The following DIAPH3 variants were observed in gnomAD, a reference collection of about 807,000 sequenced individuals.
The protein encoded by DIAPH3 is protein diaphanous homolog 3.
Under a neutral mutation model 144.3 loss-of-function variants are expected in DIAPH3, and 117 were observed. The observed-to-expected ratio is 0.81, with a 90% CI of 0.70 to 0.95. The LOEUF is 0.95. Ranked by LOEUF, DIAPH3 falls within the 40% of genes least tolerant of loss-of-function variation. The probability of loss-of-function intolerance (pLI) is 0.00; values close to 1 mark genes in which losing one functional copy is unlikely to be tolerated. For missense variants in DIAPH3, 1,421 were observed against 1,412.7 expected, an observed-to-expected ratio of 1.01 and a Z score of -0.09; for synonymous variants, 519 against 488.9, an observed-to-expected ratio of 1.06 and a Z score of -0.81.
chr13:59,962,144 G>A lies in DIAPH3; in HGVS notation c.2074+7800C>T, dbSNP rs1451342230. Among the ~76,000 whole-genome samples the A allele has an allele frequency of 2.6e-5, 4 of 152,174 alleles. No individual in the cohort carries two copies. In the East Asian group the frequency reaches 5.8e-4, roughly 22 times the overall value. On this transcript the variant is annotated intron_variant, in intron 17 of 27. Coordinates refer to ENST00000400324, the MANE Select transcript of DIAPH3 (RefSeq NM_001042517.2). ...AGGCAGCAGTTAAGCTGAGGCTCAGGCCCAGGTCTTTGATGTTACTTCACT... is the reference window on the plus strand; with the variant it reads ...AGGCAGCAGTTAAGCTGAGGCTCAGACCCAGGTCTTTGATGTTACTTCACT...
intron 27 of DIAPH3, among the ~76,000 whole-genome samples, chr13:59,746,042 C>G (rs1185611527): frequency 1.3e-5 from 2 of 152,058 alleles, no homozygotes; most frequent in African/African-American, 4.8e-5. Flanking sequence ...GCAATTCTGT[C>G]CATGTTGTAT....
rs1327097019 is a variant in DIAPH3, at chr13:59,810,800, C to G, written c.3151G>C (p.Glu1051Gln). The G allele has an allele frequency of 6.2e-7, 1 of 1,613,402 alleles. No individual in the cohort carries two copies. The highest frequency in any genetic ancestry group is 1.1e-5 in the South Asian group (1 of 90,986). ...ERQQKKKRLL[E>Q]MKTEGDETGV... is the part of the protein sequence containing the mutation. ...TGATAGTACTCACCAGTCTTCATTT[C>G]TAATAAACGCTTTTTCTTTTGTTGG... Residue 1051 changes from glutamate (E) to glutamine (Q), a missense_variant, in exon 25 of 28, where the codon GAA (glutamate) becomes CAA (glutamine). Transcript: ENST00000400324.
intron 9 of DIAPH3, among the ~76,000 whole-genome samples, chr13:60,007,100 G>A (rs891451868): frequency 6.6e-6 from 1 of 151,528 alleles, no homozygotes; most frequent in African/African-American, 2.4e-5. Flanking sequence ...CACCCAGGCT[G>A]GAGTGCAGTG....
chr13:60,062,439 G>A (rs1032303936), intron 4 of DIAPH3, among the ~76,000 whole-genome samples: 1 of 152,064 alleles, frequency 6.6e-6, no homozygotes, highest in African/African-American at 2.4e-5. Context: ...TTCCAGAGTA[G>A]TTTTTTTACG....
At chr13:60,134,424 TA>T (rs1409625087) in intron 1 of DIAPH3, among the ~76,000 whole-genome samples, 1 of 152,196 alleles carries the variant, frequency 6.6e-6, no homozygotes, top group Non-Finnish European at 1.5e-5. Context: ...GTAAAGTATG[TA>T]AGGAACTTAG....
At chr13:60,089,554 T>A (rs2057862997) in intron 4 of DIAPH3, among the ~76,000 whole-genome samples, 1 of 152,230 alleles carries the variant, frequency 6.6e-6, no homozygotes. Context: ...AGAATTTTCT[T>A]GTTCTTACAT....
intron 4 of DIAPH3, among the ~76,000 whole-genome samples, chr13:60,065,253 TAAAAAAAAAAA>T (rs11344639): frequency 4.9e-4 from 43 of 88,278 alleles, no homozygotes; most frequent in African/African-American, 1.7e-3. Context: ...TTTAATTTAT[TAAAAAAAAAAA>T]AAAAAAAAAA....
chr13:60,137,026 G>A (rs4886210), intron 1 of DIAPH3, among the ~76,000 whole-genome samples: 101,614 of 151,934 alleles, frequency 0.67, 34,340 homozygotes, highest in Admixed American at 0.75. Context: ...GAATATGAGG[G>A]CTCTTTTCCT....
chr13:59,821,933 T>C (rs1304552060), intron 24 of DIAPH3, among the ~76,000 whole-genome samples: 1 of 152,182 alleles, frequency 6.6e-6, no homozygotes, highest in East Asian at 1.9e-4. Context: ...CCAAAGGATG[T>C]GCAGGTGCTG....
chr13:59,934,665 G>A lies in DIAPH3; in HGVS notation c.2075-9795C>T, dbSNP rs187119162. Reference sequence around the variant, plus strand: ...TGAACCAGAACGGCCCTTCAGTATGGACTTTAACCACCTCATTCTATAAAT... The same window carrying A: ...TGAACCAGAACGGCCCTTCAGTATGAACTTTAACCACCTCATTCTATAAAT... On this transcript the variant is annotated intron_variant, in intron 17 of 27. Transcript: ENST00000400324. Among the ~76,000 whole-genome samples the A allele has an allele frequency of 1.3e-3, 203 of 151,038 alleles. 1 individual carries two copies. The highest frequency in any genetic ancestry group is 0.011 in the Admixed American group (172 of 15,042).
chr13:60,115,758 A>G (rs528133827), intron 2 of DIAPH3, among the ~76,000 whole-genome samples: 3 of 152,264 alleles, frequency 2.0e-5, no homozygotes, highest in Admixed American at 6.5e-5. Flanking sequence ...CAAGATATAT[A>G]TAACTTTTTC....
chr13:59,998,076 T>A (rs1244950481), intron 9 of DIAPH3, among the ~76,000 whole-genome samples: 1 of 152,136 alleles, frequency 6.6e-6, no homozygotes, highest in Non-Finnish European at 1.5e-5. Flanking sequence ...GAGTAAATGA[T>A]GCTTATGGAG....
intron 20 of DIAPH3, among the ~76,000 whole-genome samples, chr13:59,907,940 TC>T (rs2046815772): frequency 6.6e-6 from 1 of 152,144 alleles, no homozygotes; most frequent in African/African-American, 2.4e-5. Flanking sequence ...ATTAGGCACA[TC>T]ACATGGTTTA....
intron 27 of DIAPH3, among the ~76,000 whole-genome samples, chr13:59,756,088 T>C (rs989903038): frequency 6.6e-6 from 1 of 152,212 alleles, no homozygotes; most frequent in African/African-American, 2.4e-5. Context: ...CAAATTCTCA[T>C]GCCTACCATA....
intron 27 of DIAPH3, among the ~76,000 whole-genome samples, chr13:59,756,936 G>C (rs985055656): frequency 7.2e-5 from 11 of 151,992 alleles, no homozygotes; most frequent in Non-Finnish European, 5.9e-5. Flanking sequence ...AAAAGAAAGA[G>C]GAAATAATAA....
At chr13:59,701,955 T>C (rs2034134607) in intron 27 of DIAPH3, among the ~76,000 whole-genome samples, 1 of 152,204 alleles carries the variant, frequency 6.6e-6, no homozygotes, top group Admixed American at 6.5e-5. Context: ...CTCCAGATTA[T>C]TTGTAAAAGT....
At chr13:60,118,255 T>C (rs1283518261) in intron 2 of DIAPH3, among the ~76,000 whole-genome samples, 1 of 152,188 alleles carries the variant, frequency 6.6e-6, no homozygotes, top group African/African-American at 2.4e-5. Context: ...TCTGAATTTT[T>C]AGCTATAGTA....
intron 27 of DIAPH3, among the ~76,000 whole-genome samples, chr13:59,744,599 A>C (rs999630168): frequency 6.6e-5 from 10 of 152,132 alleles, no homozygotes; most frequent in Non-Finnish European, 1.3e-4. Flanking sequence ...TCTTCTTCCA[A>C]TGTGGCCCAG....
chr13:59,760,913 A>G (rs2037545158), intron 27 of DIAPH3, among the ~76,000 whole-genome samples: 1 of 152,210 alleles, frequency 6.6e-6, no homozygotes, highest in Non-Finnish European at 1.5e-5. Context: ...TGCAAGCATG[A>G]TTACTTAAAT....
Sources: allele counts gnomAD v4.1 joint callset (sites outside exome capture counted in the v4.1 genomes callset), GRCh38; gene constraint gnomAD v4.1.1; transcripts MANE v1.5; gene names NCBI Gene and HGNC (gene_info 2026-07-23, HGNC 2026-07-21).